TENM1: variants seen among roughly 807,000 people sequenced by gnomAD.
The protein encoded by TENM1 is teneurin-1.
Under a neutral mutation model 174.8 loss-of-function variants are expected in TENM1, and 35 were observed. The ratio of observed to expected loss-of-function variants is 0.20; its 90% CI spans 0.15 to 0.27. The LOEUF (loss-of-function observed/expected upper bound fraction) is 0.27. TENM1 is among the 10% of genes least tolerant of loss of function. The pLI is 1.00. For synonymous variants in TENM1, 781 were observed against 798.7 expected (o/e 0.98, Z 0.37); for missense variants, 1,633 against 2,130.1 (o/e 0.77, Z 4.59).
chrX:124,946,032 C>T (rs1365246105), intron 1 of TENM1, among the ~76,000 whole-genome samples: 1 of 111,817 alleles, frequency 8.9e-6, no homozygotes, highest in Non-Finnish European at 1.9e-5. Context: ...AGGGATGTCC[C>T]ATGATGTGTT....
At chrX:125,127,303 G>T in the TENM1 span, among the ~76,000 whole-genome samples, 1 of 111,418 alleles carries the variant, frequency 9.0e-6, no homozygotes, top group Non-Finnish European at 1.9e-5. Flanking sequence ...GGAGAAATTC[G>T]ACTTAGTATG....
intron 3 of TENM1, among the ~76,000 whole-genome samples, chrX:124,841,306 C>T (rs1444548223): frequency 8.9e-6 from 1 of 111,794 alleles, no homozygotes; most frequent in Non-Finnish European, 1.9e-5. Context: ...AAAGGCAAAA[C>T]AGGGAGCAAA....
chrX:124,612,962 G>A (rs2050313070), intron 11 of TENM1, among the ~76,000 whole-genome samples: 1 of 111,147 alleles, frequency 9.0e-6, no homozygotes. Flanking sequence ...TACCAGTCCT[G>A]CAATCTATTT....
intron 1 of TENM1, among the ~76,000 whole-genome samples, chrX:124,957,220 T>C (rs977748009): frequency 9.8e-4 from 107 of 109,090 alleles, no homozygotes; most frequent in African/African-American, 1.8e-3. Flanking sequence ...GATGGATGGA[T>C]GGTTGGATGG....
At chrX:124,455,550 G>A (rs1441196403) in intron 22 of TENM1, among the ~76,000 whole-genome samples, 1 of 111,094 alleles carries the variant, frequency 9.0e-6, no homozygotes, top group Admixed American at 9.7e-5. Flanking sequence ...TGTCATAAAG[G>A]GATAGACTGA....
chrX:124,454,248 C>T (rs182493177), intron 22 of TENM1, among the ~76,000 whole-genome samples: 1 of 111,559 alleles, frequency 9.0e-6, no homozygotes, highest in East Asian at 2.8e-4. Flanking sequence ...TCAGACTCCT[C>T]TTTGGTAACA....
chrX:124,584,169 C>T (rs1445792750), intron 11 of TENM1, among the ~76,000 whole-genome samples: 67 of 109,735 alleles, frequency 6.1e-4, no homozygotes, highest in Non-Finnish European at 7.0e-4. Flanking sequence ...CATTCAGATT[C>T]AGGAAATACA....
At chrX:124,738,307 C>T (rs1181792003) in intron 3 of TENM1, among the ~76,000 whole-genome samples, 2 of 111,017 alleles carry the variant, frequency 1.8e-5, no homozygotes, top group African/African-American at 3.3e-5. Flanking sequence ...TGCTGAGGCC[C>T]ACTTTGCAGT....
At chrX:124,406,347 C>T (rs373536465) in exon 26 of TENM1, 2 of 1,207,447 alleles carry the variant, frequency 1.7e-6, no homozygotes, top group Non-Finnish European at 2.2e-6. Flanking sequence ...GTACTAGTTG[C>T]CGTCAAGTTG....
intron 1 of TENM1, among the ~76,000 whole-genome samples, chrX:124,916,680 C>T (rs1371852990): frequency 9.0e-6 from 1 of 111,168 alleles, no homozygotes; most frequent in African/African-American, 3.3e-5. Flanking sequence ...GAGGGCTTCA[C>T]CCTCATGACT....
At chrX:125,020,505 A>T in the TENM1 span, among the ~76,000 whole-genome samples, 1 of 108,882 alleles carries the variant, frequency 9.2e-6, no homozygotes, top group East Asian at 2.8e-4. Context: ...TTTTTTTTCT[A>T]AATGGAAGGC....
chrX:124,936,178 G>T (rs1309075377), intron 1 of TENM1, among the ~76,000 whole-genome samples: 3 of 111,599 alleles, frequency 2.7e-5, no homozygotes, highest in Non-Finnish European at 3.8e-5. Context: ...AAGCCCTTAG[G>T]TCTTGTCTCC....
rs891014715 is a variant in TENM1, at chrX:124,738,356, C to A, written c.536-1159G>T. Among the ~76,000 whole-genome samples, 7 of 111,917 alleles carry A rather than the reference C, an allele frequency of 6.3e-5. No homozygotes were observed. The South Asian group carries it at 2.6e-3, about 41-fold the overall frequency. On this transcript the variant is annotated intron_variant, in intron 3 of 31. Transcript: ENST00000422452. ...AAAAAAAAAAATCACTTCTTTCAAT[C>A]TTTTTACTTCAAACTTGAATTTTAA...
intron 11 of TENM1, among the ~76,000 whole-genome samples, chrX:124,610,969 A>G (rs980144997): frequency 9.0e-5 from 10 of 111,297 alleles, no homozygotes; most frequent in African/African-American, 3.3e-4. Flanking sequence ...AACTAGATCT[A>G]GGACTCTTGA....
the TENM1 span, among the ~76,000 whole-genome samples, chrX:125,119,310 A>T: frequency 8.9e-6 from 1 of 111,996 alleles, no homozygotes; most frequent in Non-Finnish European, 1.9e-5. Context: ...TTAAACAGTT[A>T]TCACCTCTGT....
the TENM1 span, among the ~76,000 whole-genome samples, chrX:125,119,205 T>C: frequency 8.3e-5 from 9 of 109,046 alleles, no homozygotes; most frequent in African/African-American, 3.2e-4. Context: ...TTTTTTAATG[T>C]TTTATTTTAT....
chrX:124,562,575 G>A (rs1393080184), intron 13 of TENM1, among the ~76,000 whole-genome samples: 1 of 112,871 alleles, frequency 8.9e-6, no homozygotes, highest in African/African-American at 3.2e-5. Flanking sequence ...GGAAAGTGTA[G>A]CATTTAAATA....
intron 24 of TENM1, among the ~76,000 whole-genome samples, chrX:124,421,283 T>C (rs1392904426): frequency 2.7e-5 from 3 of 112,366 alleles, no homozygotes; most frequent in Non-Finnish European, 5.6e-5. Context: ...AGTACAACAA[T>C]GATTCAGAAC....
At chrX:125,156,171 A>T in the TENM1 span, among the ~76,000 whole-genome samples, 1 of 112,471 alleles carries the variant, frequency 8.9e-6, no homozygotes, top group African/African-American at 3.2e-5. Context: ...CCACTAGTTG[A>T]GAAGACCTCC....
Sources: gnomAD v4.1 joint callset for allele counts (sites outside exome capture counted in the v4.1 genomes callset) on GRCh38, gnomAD v4.1.1 for gene constraint, MANE v1.5 for transcripts, NCBI Gene and HGNC (gene_info 2026-07-23, HGNC 2026-07-21) for gene names.